FCSK: variants seen among roughly 807,000 people sequenced by gnomAD.
FCSK encodes L-fucose kinase.
Under a neutral mutation model 122.5 loss-of-function variants are expected in FCSK, and 123 were observed. The ratio of observed to expected loss-of-function variants is 1.00; its 90% CI spans 0.87 to 1.17. The LOEUF (loss-of-function observed/expected upper bound fraction) is 1.17, where lower values mean the gene tolerates loss of function less well. FCSK is among the 50% of genes most tolerant of loss of function. FCSK has a pLI of 0.00. For synonymous variants in FCSK, 620 were observed against 625.5 expected, an observed-to-expected ratio of 0.99 and a Z score of 0.13; for missense variants, 1,366 against 1,450.4, an observed-to-expected ratio of 0.94 and a Z score of 0.95.
Position 70,478,371 on chromosome 16 carries a change from C to T in FCSK, c.2741C>T (p.Thr914Met), listed in dbSNP as rs200944357. 847 of 1,614,210 alleles carry T rather than the reference C, an allele frequency of 5.2e-4. 9 individuals are homozygous for T. The South Asian group carries it at 7.9e-3, about 15-fold the overall frequency. Reference protein sequence around the residue: ...LPLKVEVEEVTVPEGFVQKLN... With the variant: ...LPLKVEVEEVMVPEGFVQKLN... ...CTGAAGGTGGAGGTAGAAGAGGTCA[C>T]GGTGCCTGAGGGCTTTGTCCAGAAG... The change falls in exon 21 of 24, where the codon ACG becomes ATG. Residue 914 changes from threonine (T) to methionine (M), a missense_variant. Coordinates refer to ENST00000288078, the MANE Select transcript of FCSK (RefSeq NM_145059.3).
In FCSK at chr16:70,479,364, G is replaced by A. The variant is rs936288347; in HGVS notation, c.3114G>A (p.Gln1038=). The change falls in exon 23 of 24, where the codon CAG becomes CAA. Residue 1038 remains glutamine, a synonymous_variant. Coordinates refer to ENST00000288078, the MANE Select transcript of FCSK (RefSeq NM_145059.3). ...TCTATCTGTTGACCAAGGAGCCACA[G>A]CAAAAGGAGGCCTTGGAGGCGGTGC... ...GFLYLLTKEP[Q]QKEALEAVLA... The A allele has an allele frequency of 1.5e-5, 24 of 1,613,774 alleles. No individual in the cohort carries two copies. The highest frequency in any genetic ancestry group is 1.9e-5 in the Non-Finnish European group (23 of 1,180,010).
intron 1 of FCSK, among the ~76,000 whole-genome samples, chr16:70,462,891 C>A (rs528917886): frequency 1.3e-5 from 2 of 152,126 alleles, no homozygotes; most frequent in African/African-American, 4.8e-5. Context: ...GTGATCCCCC[C>A]ACCTCAGCCT....
Position 70,473,432 on chromosome 16 carries a change from G to A in FCSK, c.1777+79G>A. 1 of 1,401,266 alleles carries A rather than the reference G, an allele frequency of 7.1e-7. No homozygotes were observed. Among genetic ancestry groups the A allele is most frequent in the Non-Finnish European group, 9.4e-7 (1 of 1,067,590 alleles). The allele number at this position is 1,401,266 out of a possible 1,614,324, so 86.8% of individuals were successfully genotyped here. A position where few individuals can be genotyped will look rare whatever the true frequency, so the allele number is the denominator to read the frequency against. ...CCTGTCCTCTGGGCCATCCCCTGAG[G>A]GGACTAGGGGACCATGAGGTGCTCA... On this transcript the variant is annotated intron_variant, in intron 15 of 23. Coordinates refer to ENST00000288078, the MANE Select transcript of FCSK (RefSeq NM_145059.3). The surrounding 1 kb of genome is among the most constrained non-coding windows in gnomAD (Gnocchi z 4.9).
In FCSK at chr16:70,470,315, C is replaced by T; in HGVS notation, c.957C>T (p.Ala319=). The T allele has an allele frequency of 1.2e-6, 2 of 1,610,250 alleles. No homozygotes were observed. The highest frequency in any genetic ancestry group is 1.7e-6 in the Non-Finnish European group (2 of 1,177,058). ...RELRDQPLTM[A]YVSSGSYSYM... is the part of the protein sequence containing the mutation. ...GGTTCAGTACTTATGTCTTTACAGC[C>T]TATGTCTCCAGCGGCAGCTACAGCT... is the stretch of plus-strand genomic sequence containing the variant. The change falls in exon 11 of 24, where the codon GCC becomes GCT. Residue 319 remains alanine (A), a splice_region_variant and synonymous_variant. Coordinates refer to ENST00000288078, the MANE Select transcript of FCSK (RefSeq NM_145059.3).
rs887772956 is a variant in FCSK at position 70,473,435 on chromosome 16, A to G, written c.1777+82A>G. ...GTCCTCTGGGCCATCCCCTGAGGGG[A>G]CTAGGGGACCATGAGGTGCTCAAGC... On this transcript the variant is annotated intron_variant, in intron 15 of 23. Transcript: ENST00000288078. The surrounding 1 kb of genome is among the most constrained non-coding windows in gnomAD (Gnocchi z 4.9). 24 of 1,397,796 alleles carry G rather than the reference A, an allele frequency of 1.7e-5. No homozygotes were observed. Among genetic ancestry groups the G allele is most frequent in the Non-Finnish European group, 2.2e-5 (23 of 1,064,972 alleles). The allele number at this position is 1,397,796 out of a possible 1,614,324, so 86.6% of individuals were successfully genotyped here. A position where few individuals can be genotyped will look rare whatever the true frequency, so the allele number is the denominator to read the frequency against.
chr16:70,474,465 AG>A, intron 16 of FCSK, 62 bp from the exon 17 acceptor site: 1 of 1,546,718 alleles, frequency 6.5e-7, no homozygotes, highest in Non-Finnish European at 8.7e-7. Context: ...AGGTCCCCAA[AG>A]CCAGGCAATC....
In FCSK at chr16:70,466,871, T is replaced by C. The variant is rs771186091; in HGVS notation, c.412-11T>C. ...AGGCACCAGCTGTGTTCTGTCTCCT[T>C]CCCCCCACAGCTGGGCCCGGGCTCC... On this transcript the variant is annotated splice_polypyrimidine_tract_variant and intron_variant, in intron 5 of 23. Transcript: ENST00000288078. 1.9e-6 allele frequency: 3 copies of C among 1,611,154 alleles called. No homozygotes were observed. The highest frequency in any genetic ancestry group is 2.2e-5 in the East Asian group (1 of 44,864).
At position 70,466,223 on chromosome 16, in the gene FCSK, AC is replaced by A. The variant is rs759317673; in HGVS notation, c.379del (p.Leu127TrpfsTer8). On this transcript the variant is annotated frameshift_variant, in exon 5 of 24. Transcript: ENST00000288078. LOFTEE classifies it high-confidence loss of function. Reference sequence around the variant, plus strand: ...GCCCCCGTGGAAGCCTTGGTCTGCAACCTGGACTGCCTGCTGGACATCATGA... The same window carrying A: ...GCCCCCGTGGAAGCCTTGGTCTGCAACTGGACTGCCTGCTGGACATCATGA... ...PEAPVEALVCNLDCLLDIMTY... is the reference protein window; with the variant it reads ...PEAPVEALVCXLDCLLDIMTY... The A allele has an allele frequency of 2.5e-6, 4 of 1,613,800 alleles. No homozygotes were observed. The African/African-American group carries it at 5.3e-5, about 22-fold the overall frequency.
At chr16:70,459,656 C>CTTTT (rs1333103356) in intron 1 of FCSK, among the ~76,000 whole-genome samples, 23 of 130,004 alleles carry the variant, frequency 1.8e-4, no homozygotes, top group African/African-American at 4.5e-4. Context: ...ATTTCTCCGT[C>CTTTT]TTTTTTTTTT....
At chr16:70,479,154 C>T (rs149404620) in intron 22 of FCSK, 26 bp from the exon 23 acceptor site, 26 of 1,567,576 alleles carry the variant, frequency 1.7e-5, no homozygotes, top group African/African-American at 8.1e-5. Flanking sequence ...GGCCCAGGCA[C>T]GTCACTCCCC....
intron 1 of FCSK, among the ~76,000 whole-genome samples, chr16:70,459,181 C>T (rs1438156789): frequency 6.7e-6 from 1 of 150,280 alleles, no homozygotes; most frequent in East Asian, 1.9e-4. Context: ...TATGATTGCA[C>T]CACTACACTC....
intron 1 of FCSK, among the ~76,000 whole-genome samples, chr16:70,459,819 G>A (rs1200993352): frequency 7.4e-5 from 11 of 147,676 alleles, no homozygotes; most frequent in African/African-American, 2.8e-4. Flanking sequence ...TTTTTTTTTC[G>A]AGATAGATTT....
rs377489242 is a variant in FCSK, at chr16:70,478,666, T to G, written c.2929+16T>G. 24 of 1,607,734 alleles carry G rather than the reference T, an allele frequency of 1.5e-5. No homozygotes were observed. In the African/African-American group the frequency reaches 2.1e-4, roughly 14 times the overall value. ...TTCCGCCAAGGTGAGGGGCTTCCTCTGGGGGGGTCAGGGCACTGGGAGCGA... is the reference window on the plus strand; with the variant it reads ...TTCCGCCAAGGTGAGGGGCTTCCTCGGGGGGGGTCAGGGCACTGGGAGCGA... On this transcript the variant is annotated intron_variant, in intron 22 of 23. Coordinates refer to ENST00000288078, the MANE Select transcript of FCSK (RefSeq NM_145059.3).
At chr16:70,461,857 C>T (rs2048275982) in intron 1 of FCSK, among the ~76,000 whole-genome samples, 1 of 152,236 alleles carries the variant, frequency 6.6e-6, no homozygotes, top group Non-Finnish European at 1.5e-5. Context: ...CCACGTGACC[C>T]AGCCATCCGC....
chr16:70,470,050 G>A (rs985306121), intron 10 of FCSK, among the ~76,000 whole-genome samples: 2 of 151,416 alleles, frequency 1.3e-5, no homozygotes, highest in African/African-American at 4.9e-5. Context: ...TCACCATGTT[G>A]GTCAGGCTGG....
intron 1 of FCSK, among the ~76,000 whole-genome samples, chr16:70,456,890 C>T (rs912296523): frequency 4.6e-5 from 7 of 151,924 alleles, no homozygotes; most frequent in Non-Finnish European, 8.8e-5. Flanking sequence ...CATGGTGGTG[C>T]GCGCCTGTAG....
chr16:70,457,771 T>G (rs1181883366), intron 1 of FCSK: 1 of 151,816 alleles, frequency 6.6e-6, no homozygotes, highest in African/African-American at 2.4e-5. Flanking sequence ...TTTGTTTTTT[T>G]TTTTTTGGTA....
At chr16:70,459,273 G>T (rs1037923650) in intron 1 of FCSK, among the ~76,000 whole-genome samples, 38 of 151,860 alleles carry the variant, frequency 2.5e-4, no homozygotes, top group Middle Eastern at 3.4e-3. Flanking sequence ...GGCCGGGCAT[G>T]GTGGCTCATT....
chr16:70,469,290 T>C lies in FCSK; in HGVS notation c.922T>C (p.Trp308Arg). ...GYLQSARAQL[W>R]RELRDQPLTM... Reference sequence around the variant, plus strand: ...TCTGCAGAGCGCCCGGGCCCAGCTGTGGAGGGAGCTTCGCGATCAGCCCCT... The same window carrying C: ...TCTGCAGAGCGCCCGGGCCCAGCTGCGGAGGGAGCTTCGCGATCAGCCCCT... Residue 308 changes from tryptophan (W) to arginine (R), a missense_variant, in exon 10 of 24, where the codon TGG becomes CGG. Coordinates refer to ENST00000288078, the MANE Select transcript of FCSK (RefSeq NM_145059.3). 6.2e-7 allele frequency: 1 copy of C among 1,610,344 alleles called. No homozygotes were observed. Among genetic ancestry groups the C allele is most frequent in the Non-Finnish European group, 8.5e-7 (1 of 1,179,010 alleles).
Sources: allele counts gnomAD v4.1 joint callset (sites outside exome capture counted in the v4.1 genomes callset), GRCh38; gene constraint gnomAD v4.1.1; non-coding constraint Gnocchi (gnomAD v3.1); transcripts MANE v1.5; gene names NCBI Gene and HGNC (gene_info 2026-07-23, HGNC 2026-07-21).